Variants in PLAC8 observed in about 807,000 individuals in gnomAD.
PLAC8 encodes placenta associated 8.
Under a neutral mutation model 12.6 loss-of-function variants are expected in PLAC8, and 6 were observed. That is an observed-to-expected ratio of 0.48 (90% confidence interval 0.26 to 0.94). The LOEUF is 0.94. PLAC8 is among the 40% of genes least tolerant of loss of function. PLAC8 has a pLI of 0.14. For missense variants in PLAC8, 122 were observed against 152.7 expected, an observed-to-expected ratio of 0.80 and a Z score of 1.06; for synonymous variants, 54 against 52.6, an observed-to-expected ratio of 1.03 and a Z score of -0.11.
chr4:83,105,522 GGCATATCCT>G (rs1732213504), intron 2 of PLAC8, among the ~76,000 whole-genome samples: 1 of 152,230 alleles, frequency 6.6e-6, no homozygotes, highest in Non-Finnish European at 1.5e-5. Context: ...GAGGTAATCT[GGCATATCCT>G]GGCAAAGGCT....
chr4:83,106,055 A>C (rs1242600240), intron 2 of PLAC8, among the ~76,000 whole-genome samples: 1 of 151,736 alleles, frequency 6.6e-6, no homozygotes, highest in East Asian at 2.0e-4. Context: ...CCTCGAGTGC[A>C]ATGGTGCGAT....
chr4:83,096,083 G>A (rs1731918726), intron 3 of PLAC8, among the ~76,000 whole-genome samples: 1 of 152,174 alleles, frequency 6.6e-6, no homozygotes, highest in African/African-American at 2.4e-5. Context: ...GTCCTCCAAA[G>A]GCAATCTATT....
intron 3 of PLAC8, among the ~76,000 whole-genome samples, chr4:83,096,049 A>C (rs1314410189): frequency 1.3e-5 from 2 of 152,154 alleles, no homozygotes; most frequent in African/African-American, 4.8e-5. Context: ...CTAAACTATA[A>C]TTTTAATCTT....
rs372538727 is a variant in PLAC8 at position 83,108,138 on chromosome 4, AAT to A, written c.-29-190_-29-189del. ...TACCCTAGAACTTAAAGTATAATAA[AAT>A]ATATATATATATATAAAAGAAATCT... On this transcript the variant is annotated intron_variant, in intron 1 of 4. Coordinates refer to ENST00000311507, the MANE Select transcript of PLAC8 (RefSeq NM_016619.3). Among the ~76,000 whole-genome samples, 110 of 149,460 alleles carry A rather than the reference AAT, an allele frequency of 7.4e-4. 1 individual carries two copies. Among genetic ancestry groups the A allele is most frequent in the Non-Finnish European group, 1.1e-3 (73 of 67,210 alleles).
chr4:83,097,789 G>C (rs575924655), intron 3 of PLAC8, among the ~76,000 whole-genome samples: 1 of 151,646 alleles, frequency 6.6e-6, no homozygotes, highest in Non-Finnish European at 1.5e-5. Flanking sequence ...TGTGTTTTTG[G>C]TAAAAGATTA....
At chr4:83,093,673 T>A (rs569183020) in intron 4 of PLAC8, 5 of 152,306 alleles carry the variant, frequency 3.3e-5, no homozygotes, top group African/African-American at 1.2e-4. Context: ...AAAATACCGC[T>A]TTGTCTATAG....
At chr4:83,104,829 C>T in intron 3 of PLAC8, 67 bp downstream of exon 3, 5 of 1,520,520 alleles carry the variant, frequency 3.3e-6, no homozygotes, top group Non-Finnish European at 4.6e-6. Flanking sequence ...CAAATGATCT[C>T]CATGTTTATA....
chr4:83,099,968 T>TG (rs376672634), intron 3 of PLAC8, among the ~76,000 whole-genome samples: 9 of 150,180 alleles, frequency 6.0e-5, no homozygotes, highest in African/African-American at 2.2e-4. Flanking sequence ...ATCATACCAC[T>TG]GCACTCCAGC....
rs141760772 is a variant in PLAC8 at position 83,094,965 on chromosome 4, C to T, written c.244-174G>A. 1.2e-3 allele frequency among the ~76,000 whole-genome samples: 185 copies of T among 152,158 alleles called. 1 individual carries two copies. Among genetic ancestry groups the T allele is most frequent in the African/African-American group, 4.2e-3 (175 of 41,522 alleles). ...ACATAAATGTTGTCTCATTTTATGA[C>T]GGAAAATATTTTTCTATACTTTACG... is the stretch of plus-strand genomic sequence containing the variant. On this transcript the variant is annotated intron_variant, in intron 3 of 4. Coordinates refer to ENST00000311507, the MANE Select transcript of PLAC8 (RefSeq NM_016619.3).
intron 3 of PLAC8, among the ~76,000 whole-genome samples, chr4:83,099,939 GAGGTTGC>G (rs1286275851): frequency 1.3e-5 from 2 of 151,784 alleles, no homozygotes; most frequent in African/African-American, 4.8e-5. Context: ...CTGGGAGGCA[GAGGTTGC>G]AGTGAGACGA....
Position 83,106,468 on chromosome 4 carries a change from A to G in PLAC8, c.118+1336T>C, listed in dbSNP as rs545954402. On this transcript the variant is annotated intron_variant, in intron 2 of 4. Transcript: ENST00000311507. ...CCCCATCTCTACTAAAAATACAAAA[A>G]TTGGCTGGGTGTGGTTGTGCGTGCC... 5.9e-5 allele frequency among the ~76,000 whole-genome samples: 9 copies of G among 152,024 alleles called. No individual in the cohort carries two copies. The South Asian group carries it at 1.9e-3, about 32-fold the overall frequency.
At chr4:83,091,806 T>C (rs931122211) in intron 4 of PLAC8, among the ~76,000 whole-genome samples, 3 of 152,176 alleles carry the variant, frequency 2.0e-5, no homozygotes, top group Non-Finnish European at 4.4e-5. Flanking sequence ...CTCTCAAAAT[T>C]CCCAGTTTTC....
In PLAC8 at chr4:83,102,542, AAAC is replaced by A. The variant is rs368090385; in HGVS notation, c.243+2351_243+2353del. On this transcript the variant is annotated intron_variant, in intron 3 of 4. Transcript: ENST00000311507. ...TGACAGAGTGAGACCCTGTCTCAAA[AAAC>A]AAAACAGAAAAACATTCATGATTCC... Among the ~76,000 whole-genome samples, 38 of 152,144 alleles carry A rather than the reference AAAC, an allele frequency of 2.5e-4. 1 individual carries two copies. The highest frequency in any genetic ancestry group is 8.0e-4 in the African/African-American group (33 of 41,502).
rs1731772248 is a variant in PLAC8 at position 83,090,175 on chromosome 4, CTGAGA to C, written c.*801_*805del. The C allele has an allele frequency of 6.6e-6, 1 of 151,924 alleles. No homozygotes were observed. The highest frequency in any genetic ancestry group is 6.6e-5 in the Admixed American group (1 of 15,242). The allele number at this position is 151,924 out of a possible 1,614,324, so 9.4% of individuals were successfully genotyped here. A position where few individuals can be genotyped will look rare whatever the true frequency, so the allele number is the denominator to read the frequency against. On this transcript the variant is annotated 3_prime_UTR_variant, in exon 5 of 5. Coordinates refer to ENST00000311507, the MANE Select transcript of PLAC8 (RefSeq NM_016619.3). ...CCTGTAATTCCAGCACCTTGGGAGGCTGAGATGAGAGGCTTGCTAGAGGCCCGGAG... is the reference window on the plus strand; with the variant it reads ...CCTGTAATTCCAGCACCTTGGGAGGCTGAGAGGCTTGCTAGAGGCCCGGAG...
At chr4:83,102,096 A>G (rs1387299256) in intron 3 of PLAC8, among the ~76,000 whole-genome samples, 4 of 152,016 alleles carry the variant, frequency 2.6e-5, no homozygotes, top group East Asian at 3.9e-4. Flanking sequence ...AGTAATTTTG[A>G]TTTTCAAGTC....
chr4:83,110,063 C>T (rs963007541), intron 1 of PLAC8, among the ~76,000 whole-genome samples: 4 of 152,026 alleles, frequency 2.6e-5, no homozygotes, highest in Non-Finnish European at 4.4e-5. Flanking sequence ...CCAGCCCCAG[C>T]GGCAGGCGCC....
chr4:83,094,864 G>A, intron 3 of PLAC8, 73 bp from the exon 4 acceptor site: 1 of 820,468 alleles, frequency 1.2e-6, no homozygotes, highest in Non-Finnish European at 1.9e-6. Context: ...ACATCTTGAA[G>A]AGAAGCAGAA....
chr4:83,110,686 C>A (rs1248781804), intron 1 of PLAC8, among the ~76,000 whole-genome samples: 1 of 152,198 alleles, frequency 6.6e-6, no homozygotes, highest in African/African-American at 2.4e-5. Context: ...GAAACGCAAA[C>A]AAGGCTAATG....
At chr4:83,092,785 T>C (rs544530971) in intron 4 of PLAC8, 1 of 151,888 alleles carries the variant, frequency 6.6e-6, no homozygotes, top group Admixed American at 6.6e-5. Flanking sequence ...AGAAGCAACA[T>C]TTCATTTCTT....
Sources: gnomAD v4.1 joint callset for allele counts (sites outside exome capture counted in the v4.1 genomes callset) on GRCh38, gnomAD v4.1.1 for gene constraint, MANE v1.5 for transcripts, NCBI Gene and HGNC (gene_info 2026-07-23, HGNC 2026-07-21) for gene names.